Variants in LHFPL6 observed in about 807,000 individuals in gnomAD.
The protein encoded by LHFPL6 is LHFPL tetraspan subfamily member 6 protein.
A neutral mutation model predicts 20.6 loss-of-function variants in LHFPL6; 9 were observed. The ratio of observed to expected loss-of-function variants is 0.44; its 90% CI spans 0.26 to 0.76. The LOEUF (loss-of-function observed/expected upper bound fraction) is 0.76, where lower values mean the gene tolerates loss of function less well. Among genes scored for constraint, LHFPL6 ranks in the 30% least tolerant of loss-of-function variants. The pLI is 0.20. For synonymous variants in LHFPL6, 105 were observed against 98.7 expected, an observed-to-expected ratio of 1.06 and a Z score of -0.38; for missense variants, 218 against 253.5, an observed-to-expected ratio of 0.86 and a Z score of 0.95.
chr13:39,556,629 C>T (rs1050392804), intron 2 of LHFPL6, among the ~76,000 whole-genome samples: 3 of 152,046 alleles, frequency 2.0e-5, no homozygotes, highest in Non-Finnish European at 2.9e-5. Flanking sequence ...AATCAGATAA[C>T]GGGACCAAAG....
At chr13:39,532,349 C>T (rs79270800) in intron 2 of LHFPL6, among the ~76,000 whole-genome samples, 6 of 152,100 alleles carry the variant, frequency 3.9e-5, no homozygotes, top group Non-Finnish European at 5.9e-5. Context: ...CACCACTCCT[C>T]GACAAACACC....
At chr13:39,470,195 A>G (rs970528473) in intron 2 of LHFPL6, among the ~76,000 whole-genome samples, 3 of 151,972 alleles carry the variant, frequency 2.0e-5, no homozygotes, top group Non-Finnish European at 2.9e-5. Flanking sequence ...GTCAAGAGGA[A>G]CTCTTCTTCA....
intron 2 of LHFPL6, among the ~76,000 whole-genome samples, chr13:39,410,090 A>G (rs561607958): frequency 7.7e-4 from 117 of 152,358 alleles, no homozygotes; most frequent in Non-Finnish European, 1.4e-3. Flanking sequence ...TTTGTAAATC[A>G]TGTGTTAAAA....
chr13:39,500,256 CA>C (rs1869247811), intron 2 of LHFPL6, among the ~76,000 whole-genome samples: 1 of 152,020 alleles, frequency 6.6e-6, no homozygotes, highest in African/African-American at 2.4e-5. Context: ...GGCTGGAGTG[CA>C]GTGGTGGTGC....
chr13:39,521,635 A>G (rs1418426574), intron 2 of LHFPL6, among the ~76,000 whole-genome samples: 1 of 152,144 alleles, frequency 6.6e-6, no homozygotes, highest in African/African-American at 2.4e-5. Context: ...GTGTTTATTA[A>G]CCACACCTAC....
At chr13:39,581,084 A>G (rs1872267230) in intron 2 of LHFPL6, among the ~76,000 whole-genome samples, 1 of 152,232 alleles carries the variant, frequency 6.6e-6, no homozygotes, top group African/African-American at 2.4e-5. Flanking sequence ...TGTTATTCTA[A>G]TCCCATGCTG....
intron 2 of LHFPL6, among the ~76,000 whole-genome samples, chr13:39,480,111 A>C (rs1442302085): frequency 1.3e-5 from 2 of 152,204 alleles, no homozygotes; most frequent in African/African-American, 4.8e-5. Flanking sequence ...AATAACCCCC[A>C]TTAATATTTT....
chr13:39,477,438 C>A lies in LHFPL6; in HGVS notation c.386-98912G>T, dbSNP rs77284818. ...GAATTATAGAATATCATGCTAAGCA[C>A]TGAAATCTTTTTTCAGTAGAACTTG... On this transcript the variant is annotated intron_variant, in intron 2 of 3. Transcript: ENST00000379589. Among the ~76,000 whole-genome samples, 514 of 152,278 alleles carry A rather than the reference C, an allele frequency of 3.4e-3. 4 individuals are homozygous for A. Among genetic ancestry groups the A allele is most frequent in the African/African-American group, 0.012 (498 of 41,552 alleles).
intron 2 of LHFPL6, among the ~76,000 whole-genome samples, chr13:39,494,811 T>C (rs1869043335): frequency 6.6e-6 from 1 of 152,224 alleles, no homozygotes; most frequent in Non-Finnish European, 1.5e-5. Context: ...AATAGAATTG[T>C]GCCGTGCCAA....
chr13:39,523,466 G>A (rs1001166878), intron 2 of LHFPL6, among the ~76,000 whole-genome samples: 10 of 152,158 alleles, frequency 6.6e-5, no homozygotes, highest in Admixed American at 5.9e-4. Context: ...CTACTCGGGA[G>A]GCTGAGGCAG....
intron 2 of LHFPL6, among the ~76,000 whole-genome samples, chr13:39,448,117 TAC>T (rs754390875): frequency 3.3e-5 from 5 of 152,336 alleles, no homozygotes; most frequent in Non-Finnish European, 7.3e-5. Flanking sequence ...ATCTCAAAGC[TAC>T]AGAGTTTCAG....
chr13:39,404,064 T>C (rs1341511702), intron 2 of LHFPL6, among the ~76,000 whole-genome samples: 2 of 152,204 alleles, frequency 1.3e-5, no homozygotes, highest in East Asian at 1.9e-4. Flanking sequence ...TGAGACTTTG[T>C]GGAGCTCAAG....
At chr13:39,502,482 G>A (rs943759065) in intron 2 of LHFPL6, among the ~76,000 whole-genome samples, 8 of 148,326 alleles carry the variant, frequency 5.4e-5, no homozygotes, top group African/African-American at 1.7e-4. Context: ...AAAAAAATAG[G>A]CATGGTGGCG....
At chr13:39,497,141 G>A (rs1486435024) in intron 2 of LHFPL6, among the ~76,000 whole-genome samples, 1 of 152,098 alleles carries the variant, frequency 6.6e-6, no homozygotes, top group Non-Finnish European at 1.5e-5. Context: ...CTACTAATGC[G>A]CTTTAAGCCA....
At chr13:39,441,970 C>T (rs773397824) in intron 2 of LHFPL6, among the ~76,000 whole-genome samples, 17 of 151,948 alleles carry the variant, frequency 1.1e-4, no homozygotes, top group Non-Finnish European at 2.1e-4. Flanking sequence ...GCTGGGATTA[C>T]AGGCATGCAC....
rs181504318 is a variant in LHFPL6 at position 39,543,060 on chromosome 13, T to C, written c.385+57772A>G. Reference sequence around the variant, plus strand: ...CCCTGGTAAGCACCATTCTCCTTTCTGTCTCTATGAATTTACCTATTCTAG... The same window carrying C: ...CCCTGGTAAGCACCATTCTCCTTTCCGTCTCTATGAATTTACCTATTCTAG... On this transcript the variant is annotated intron_variant, in intron 2 of 3. Transcript: ENST00000379589. 8.9e-4 allele frequency among the ~76,000 whole-genome samples: 136 copies of C among 152,342 alleles called. 1 individual carries two copies. The highest frequency in any genetic ancestry group is 1.7e-3 in the Non-Finnish European group (114 of 68,032).
At chr13:39,359,952 G>C (rs527631356) in intron 3 of LHFPL6, among the ~76,000 whole-genome samples, 9 of 152,120 alleles carry the variant, frequency 5.9e-5, no homozygotes, top group African/African-American at 2.2e-4. Flanking sequence ...AGTATGCCTC[G>C]ATGTATGATG....
At chr13:39,467,905 T>C (rs1872844036) in intron 2 of LHFPL6, among the ~76,000 whole-genome samples, 2 of 152,210 alleles carry the variant, frequency 1.3e-5, no homozygotes, top group Admixed American at 6.5e-5. Flanking sequence ...TATTGAGTGA[T>C]CACTTTCCCG....
intron 2 of LHFPL6, among the ~76,000 whole-genome samples, chr13:39,392,317 G>A (rs1342807515): frequency 2.0e-5 from 3 of 152,164 alleles, no homozygotes; most frequent in African/African-American, 4.8e-5. Flanking sequence ...AAAAGTGGCC[G>A]GGCGCGGTGG....
Sources: gnomAD v4.1 joint callset for allele counts (sites outside exome capture counted in the v4.1 genomes callset) on GRCh38, gnomAD v4.1.1 for gene constraint, MANE v1.5 for transcripts, NCBI Gene and HGNC (gene_info 2026-07-23, HGNC 2026-07-21) for gene names.